RPTOR: variants seen among roughly 807,000 people sequenced by gnomAD.
The protein encoded by RPTOR is regulatory associated protein of MTOR complex 1.
Under a neutral mutation model 169.9 loss-of-function variants are expected in RPTOR, and 21 were observed. The ratio of observed to expected loss-of-function variants is 0.12; its 90% CI spans 0.09 to 0.18. The LOEUF (loss-of-function observed/expected upper bound fraction) is 0.18. Ranked by LOEUF, RPTOR falls within the 10% of genes least tolerant of loss-of-function variation. The pLI, the probability that RPTOR is intolerant of heterozygous loss-of-function variation, is 1.00. For synonymous variants in RPTOR, 732 were observed against 753.2 expected, an observed-to-expected ratio of 0.97 and a Z score of 0.46; for missense variants, 1,133 against 1,855.9, an observed-to-expected ratio of 0.61 and a Z score of 7.16.
At chr17:80,585,248 A>C in intron 1 of RPTOR, among the ~76,000 whole-genome samples, 1 of 148,276 alleles carries the variant, frequency 6.7e-6, no homozygotes, top group Non-Finnish European at 1.5e-5. Flanking sequence ...TCTGTCGCCC[A>C]GGTTGGAGTG....
At chr17:80,692,178 C>CAT (rs1159605536) in intron 3 of RPTOR, among the ~76,000 whole-genome samples, 2 of 152,182 alleles carry the variant, frequency 1.3e-5, no homozygotes, top group Non-Finnish European at 2.9e-5. Flanking sequence ...GTAGCAGAAT[C>CAT]ATAGTTCACT....
At chr17:80,638,872 G>A (rs1477073577) in intron 2 of RPTOR, among the ~76,000 whole-genome samples, 2 of 152,178 alleles carry the variant, frequency 1.3e-5, no homozygotes, top group Non-Finnish European at 2.9e-5. Context: ...GCTATGTGAG[G>A]AGTGAGGCCT....
At position 80,795,566 on chromosome 17, in the gene RPTOR, T is replaced by A. The variant is rs187953621; in HGVS notation, c.890+4057T>A. ...GGTGGCTAAATGCTAAAGGTTTATT[T>A]TTTTTTTTTAATTTAAAAGAGACAA... On this transcript the variant is annotated intron_variant, in intron 7 of 33. Transcript: ENST00000306801. 2.9e-3 allele frequency among the ~76,000 whole-genome samples: 436 copies of A among 152,190 alleles called. 3 individuals carry two copies. The highest frequency in any genetic ancestry group is 3.1e-3 in the Non-Finnish European group (211 of 67,982).
rs773323871 is a variant in RPTOR, at chr17:80,634,631, CTG to C, written c.265+8847_265+8848del. ...TGTGTGTACTGTGTGCGTGTGCGTA[CTG>C]TGTGTGTGCATACTGTATGTGCGTA... On this transcript the variant is annotated intron_variant, in intron 2 of 33. Coordinates refer to ENST00000306801, the MANE Select transcript of RPTOR (RefSeq NM_020761.3). Among the ~76,000 whole-genome samples, 228 of 59,098 alleles carry C rather than the reference CTG, an allele frequency of 3.9e-3. 2 individuals are homozygous for C. The highest frequency in any genetic ancestry group is 5.9e-3 in the Non-Finnish European group (175 of 29,514). 38.8% of individuals were successfully genotyped at this position (59,098 alleles called of 152,430 possible).
intron 4 of RPTOR, among the ~76,000 whole-genome samples, chr17:80,723,639 G>A (rs2066305444): frequency 6.6e-6 from 1 of 151,312 alleles, no homozygotes; most frequent in Non-Finnish European, 1.5e-5. Context: ...AAACCAAGAT[G>A]TGGCCTCTTT....
At chr17:80,890,993 A>T (rs2068315602) in intron 17 of RPTOR, among the ~76,000 whole-genome samples, 1 of 152,168 alleles carries the variant, frequency 6.6e-6, no homozygotes. Flanking sequence ...TTTCAGAAAA[A>T]AAAAAGGCAG....
chr17:80,698,805 A>G (rs1229835772), intron 3 of RPTOR, among the ~76,000 whole-genome samples: 1 of 152,180 alleles, frequency 6.6e-6, no homozygotes, highest in Non-Finnish European at 1.5e-5. Flanking sequence ...TGTCTTGCTC[A>G]TGGAAGGCTG....
At chr17:80,833,115 C>CA (rs1598338910) in intron 9 of RPTOR, among the ~76,000 whole-genome samples, 6 of 30,988 alleles carry the variant, frequency 1.9e-4, no homozygotes, top group Admixed American at 1.0e-3. Flanking sequence ...CCGGGGCGGG[C>CA]GCGCTCTGAC....
At chr17:80,809,961 C>T (rs749022183) in intron 7 of RPTOR, among the ~76,000 whole-genome samples, 3 of 151,970 alleles carry the variant, frequency 2.0e-5, no homozygotes, top group Non-Finnish European at 4.4e-5. Flanking sequence ...CGCTTGAACC[C>T]GGGAGGCGGA....
At chr17:80,605,964 A>G (rs956777407) in intron 1 of RPTOR, among the ~76,000 whole-genome samples, 2 of 152,080 alleles carry the variant, frequency 1.3e-5, no homozygotes, top group Non-Finnish European at 2.9e-5. Context: ...GTGCTAGGTG[A>G]ATCAAGTGTG....
chr17:80,545,822 T>G lies in RPTOR; in HGVS notation c.162+31T>G, dbSNP rs775346035. On this transcript the variant is annotated intron_variant, in intron 1 of 33. Transcript: ENST00000306801. ...TGGATTCTGAAGGCACCCCTTGAACTTGGTAGTTTCCCCAACAAAGAAAGT... is the reference window on the plus strand; with the variant it reads ...TGGATTCTGAAGGCACCCCTTGAACGTGGTAGTTTCCCCAACAAAGAAAGT... 11 of 1,532,006 alleles carry G rather than the reference T, an allele frequency of 7.2e-6. No homozygotes were observed. The African/African-American group carries it at 1.5e-4, about 22-fold the overall frequency. 94.9% of individuals were successfully genotyped at this position (1,532,006 alleles called of 1,614,324 possible).
intron 3 of RPTOR, among the ~76,000 whole-genome samples, chr17:80,699,677 G>A (rs113194320): frequency 4.0e-4 from 30 of 74,386 alleles, no homozygotes; most frequent in East Asian, 4.4e-4. Flanking sequence ...TGTGCACGGT[G>A]CCCTGGTGCA....
chr17:80,867,194 T>C (rs2143787295), intron 13 of RPTOR, among the ~76,000 whole-genome samples: 1 of 152,160 alleles, frequency 6.6e-6, no homozygotes, highest in African/African-American at 2.4e-5. Context: ...TGCAAACCTG[T>C]TTAAGGATTG....
chr17:80,809,365 G>A (rs2067250625), intron 7 of RPTOR, among the ~76,000 whole-genome samples: 2 of 152,052 alleles, frequency 1.3e-5, no homozygotes, highest in African/African-American at 4.8e-5. Context: ...CTGATTTTTT[G>A]TATTTTTAGT....
intron 5 of RPTOR, 98 bp from the exon 6 acceptor site, chr17:80,753,912 G>T (rs960787906): frequency 4.4e-6 from 5 of 1,138,892 alleles, no homozygotes; most frequent in Non-Finnish European, 6.5e-6. Context: ...AGCCTGAGTT[G>T]ATTTATTCTT....
At chr17:80,694,621 G>A (rs2066020936) in intron 3 of RPTOR, among the ~76,000 whole-genome samples, 1 of 152,222 alleles carries the variant, frequency 6.6e-6, no homozygotes, top group East Asian at 1.9e-4. Flanking sequence ...TGCACATATG[G>A]AGTGTCTGGG....
chr17:80,726,274 G>T lies in RPTOR; in HGVS notation c.508-4286G>T, dbSNP rs553831657. Among the ~76,000 whole-genome samples, 8 of 152,316 alleles carry T rather than the reference G, an allele frequency of 5.3e-5. No individual in the cohort carries two copies. The East Asian group carries it at 1.5e-3, about 29-fold the overall frequency. On this transcript the variant is annotated intron_variant, in intron 4 of 33. Coordinates refer to ENST00000306801, the MANE Select transcript of RPTOR (RefSeq NM_020761.3). The surrounding 1 kb of genome is among the most constrained non-coding windows in gnomAD (Gnocchi z 4.5). ...CAACTGGGGCCATCCATGGCCCTGT[G>T]CCGTGCTGCCTCCTGGACGCACGCT...
At position 80,845,710 on chromosome 17, in the gene RPTOR, C is replaced by G. The variant is rs2143710713; in HGVS notation, c.1213-763C>G. On this transcript the variant is annotated intron_variant, in intron 10 of 33. Coordinates refer to ENST00000306801, the MANE Select transcript of RPTOR (RefSeq NM_020761.3). The surrounding 1 kb of genome is among the most constrained non-coding windows in gnomAD (Gnocchi z 5.4). ...CAAAAAGCACTTCCTGACCCTACAT[C>G]CCTCTCCAGCCACCACCTGTCTGTC... Among the ~76,000 whole-genome samples, 1 of 152,196 alleles carries G rather than the reference C, an allele frequency of 6.6e-6. No homozygotes were observed. Among genetic ancestry groups the G allele is most frequent in the East Asian group, 1.9e-4 (1 of 5,194 alleles).
At chr17:80,799,862 G>A (rs545169566) in intron 7 of RPTOR, among the ~76,000 whole-genome samples, 11 of 152,332 alleles carry the variant, frequency 7.2e-5, no homozygotes, top group Admixed American at 5.2e-4. Flanking sequence ...GGCACATAAC[G>A]TGACAGATGG....
Sources: allele counts gnomAD v4.1 joint callset (sites outside exome capture counted in the v4.1 genomes callset), GRCh38; gene constraint gnomAD v4.1.1; non-coding constraint Gnocchi (gnomAD v3.1); transcripts MANE v1.5; gene names NCBI Gene and HGNC (gene_info 2026-07-23, HGNC 2026-07-21).